Variants in PIK3C2G observed in about 807,000 individuals in gnomAD.
PIK3C2G encodes the protein phosphatidylinositol-4-phosphate 3-kinase catalytic subunit type 2 gamma.
In PIK3C2G, 168 loss-of-function variants were observed where a neutral mutation model predicts 181.1. That is an observed-to-expected ratio of 0.93 (90% confidence interval 0.82 to 1.05). The LOEUF (loss-of-function observed/expected upper bound fraction) is 1.05, where lower values mean the gene tolerates loss of function less well. Ranked by LOEUF, PIK3C2G falls within the 50% of genes least tolerant of loss-of-function variation. The pLI, the probability that PIK3C2G is intolerant of heterozygous loss-of-function variation, is 0.00. For synonymous variants in PIK3C2G, 573 were observed against 592.2 expected, an observed-to-expected ratio of 0.97 and a Z score of 0.47; for missense variants, 1,869 against 1,732.8, an observed-to-expected ratio of 1.08 and a Z score of -1.40.
Position 18,543,702 on chromosome 12 carries a change from T to C in PIK3C2G, c.3481-2621T>C, listed in dbSNP as rs1033044221. On this transcript the variant is annotated intron_variant, in intron 25 of 32. Transcript: ENST00000538779. ...TTAGTAAAAGATCAGATGATCATAA[T>C]TGTGCGGCCTTATTTCTGGCCTCTC... is the stretch of plus-strand genomic sequence containing the variant. Among the ~76,000 whole-genome samples, 14 of 151,870 alleles carry C rather than the reference T, an allele frequency of 9.2e-5. 1 individual carries two copies. Among genetic ancestry groups the C allele is most frequent in the South Asian group, 2.1e-4 (1 of 4,826 alleles).
intron 14 of PIK3C2G, among the ~76,000 whole-genome samples, chr12:18,388,040 G>C (rs1207455756): frequency 2.0e-5 from 3 of 152,142 alleles, no homozygotes; most frequent in Admixed American, 1.3e-4. Flanking sequence ...GTCAGCGTTA[G>C]GAAGAAGCAC....
In PIK3C2G at chr12:18,281,992, T is replaced by C. The variant is rs1949240007; in HGVS notation, c.-78-12T>C. The C allele has an allele frequency of 1.4e-6, 1 of 729,818 alleles. No homozygotes were observed. The highest frequency in any genetic ancestry group is 2.3e-6 in the Non-Finnish European group (1 of 442,208). 45.2% of individuals were successfully genotyped at this position (729,818 alleles called of 1,614,324 possible). ...ATTCAATATATTTTCTTTCATTTTA[T>C]GCTTTTTCTAGGAAAATTTCTATCT... On this transcript the variant is annotated splice_polypyrimidine_tract_variant and intron_variant, in intron 1 of 32. Transcript: ENST00000538779.
intron 16 of PIK3C2G, among the ~76,000 whole-genome samples, chr12:18,400,556 C>G (rs193114275): frequency 9.1e-4 from 139 of 152,274 alleles, no homozygotes; most frequent in Non-Finnish European, 1.7e-3. Flanking sequence ...AAACCCCGCT[C>G]TATTCTGAAT....
chr12:18,243,360 C>T (rs994771843), upstream of PIK3C2G, among the ~76,000 whole-genome samples: 3 of 151,792 alleles, frequency 2.0e-5, no homozygotes, highest in African/African-American at 7.3e-5. Flanking sequence ...ATAATTACTA[C>T]AGTAATTAAA....
intron 31 of PIK3C2G, among the ~76,000 whole-genome samples, chr12:18,618,095 G>A (rs1200138735): frequency 1.3e-5 from 2 of 151,958 alleles, no homozygotes; most frequent in Admixed American, 6.6e-5. Flanking sequence ...ACATAAGGAC[G>A]TTTTCTCTAC....
chr12:18,724,133 G>C, the PIK3C2G span, among the ~76,000 whole-genome samples: 2 of 152,084 alleles, frequency 1.3e-5, no homozygotes. Context: ...TTTCTGAATA[G>C]GAAAATCAAT....
chr12:18,685,573 C>T, the PIK3C2G span: 1 of 493,354 alleles, frequency 2.0e-6, no homozygotes, highest in South Asian at 1.5e-5. Flanking sequence ...GCACATTTAC[C>T]ACATAGCAAT....
At chr12:18,437,107 C>T (rs185546331) in intron 18 of PIK3C2G, among the ~76,000 whole-genome samples, 1 of 151,988 alleles carries the variant, frequency 6.6e-6, no homozygotes, top group East Asian at 1.9e-4. Context: ...TGTGAAGACT[C>T]AGAGTTCTCT....
In PIK3C2G at chr12:18,582,600, A is replaced by C. The variant is rs563755700; in HGVS notation, c.4012-11894A>C. ...AGGGGCTGAATCCAGGGGGCTGAGC[A>C]GCAATGGTGTGCAGGCTCCGCTTCC... is the stretch of plus-strand genomic sequence containing the variant. On this transcript the variant is annotated intron_variant, in intron 29 of 32. Transcript: ENST00000538779. Among the ~76,000 whole-genome samples, 20 of 152,332 alleles carry C rather than the reference A, an allele frequency of 1.3e-4. No homozygotes were observed. In the South Asian group the frequency reaches 3.9e-3, roughly 30 times the overall value.
At chr12:18,651,990 T>C (rs1182968358), downstream of PIK3C2G, among the ~76,000 whole-genome samples, 1 of 152,184 alleles carries the variant, frequency 6.6e-6, no homozygotes, top group Non-Finnish European at 1.5e-5. Flanking sequence ...TAAAAAAGTA[T>C]ATTTATTATT....
the PIK3C2G span, chr12:18,692,738 A>G: frequency 1.0e-6 from 1 of 971,180 alleles, no homozygotes; most frequent in South Asian, 1.4e-5. Context: ...AAAAAATGTT[A>G]AAAGCTCTCC....
At chr12:18,410,229 G>C (rs1182650190) in intron 16 of PIK3C2G, among the ~76,000 whole-genome samples, 1 of 152,224 alleles carries the variant, frequency 6.6e-6, no homozygotes, top group East Asian at 1.9e-4. Flanking sequence ...GCCAGGCATA[G>C]TGGCTCACGC....
intron 20 of PIK3C2G, among the ~76,000 whole-genome samples, chr12:18,492,281 G>A (rs1240902323): frequency 1.3e-5 from 2 of 152,016 alleles, no homozygotes; most frequent in Non-Finnish European, 2.9e-5. Flanking sequence ...TATCATGCAC[G>A]GACAATAAAT....
At chr12:18,650,663 AATGT>A (rs1950410025), downstream of PIK3C2G, among the ~76,000 whole-genome samples, 1 of 50,786 alleles carries the variant, frequency 2.0e-5, no homozygotes, top group African/African-American at 5.6e-5. Context: ...CTGGAATATA[AATGT>A]GTGTGTGTGT....
At chr12:18,505,554 T>C (rs1037012747) in intron 24 of PIK3C2G, 93 bp downstream of exon 24, 48 of 787,442 alleles carry the variant, frequency 6.1e-5, no homozygotes, top group Admixed American at 1.0e-4. Flanking sequence ...GATGACTTGC[T>C]CCCATCTCTC....
chr12:18,485,234 G>A (rs1386859272), intron 18 of PIK3C2G, among the ~76,000 whole-genome samples: 2 of 152,252 alleles, frequency 1.3e-5, no homozygotes, highest in Non-Finnish European at 1.5e-5. Flanking sequence ...GTAGACTGAT[G>A]GAATATGAAC....
intron 18 of PIK3C2G, among the ~76,000 whole-genome samples, chr12:18,457,188 G>A (rs562132468): frequency 3.9e-4 from 59 of 152,266 alleles, no homozygotes; most frequent in African/African-American, 1.3e-3. Flanking sequence ...ACTGTATTGT[G>A]TAGTTTGTGC....
chr12:18,427,988 G>C (rs573200913), intron 18 of PIK3C2G, among the ~76,000 whole-genome samples: 47 of 152,188 alleles, frequency 3.1e-4, no homozygotes, highest in African/African-American at 1.1e-3. Context: ...AGGTAAACAT[G>C]TGTCATGGGG....
chr12:18,401,697 C>T (rs1484227555), intron 16 of PIK3C2G, among the ~76,000 whole-genome samples: 1 of 152,072 alleles, frequency 6.6e-6, no homozygotes, highest in Non-Finnish European at 1.5e-5. Context: ...GTAAAATGGA[C>T]AAAGGCTCTG....
Sources: allele counts gnomAD v4.1 joint callset (sites outside exome capture counted in the v4.1 genomes callset), GRCh38; gene constraint gnomAD v4.1.1; transcripts MANE v1.5; gene names NCBI Gene and HGNC (gene_info 2026-07-23, HGNC 2026-07-21).